COG7: variants seen among roughly 807,000 people sequenced by gnomAD.
COG7 encodes conserved oligomeric Golgi complex subunit 7.
In COG7, 49 loss-of-function variants were observed where a neutral mutation model predicts 91.5. The ratio of observed to expected loss-of-function variants is 0.54; its 90% CI spans 0.43 to 0.68. The LOEUF is 0.68. COG7 is among the 30% of genes least tolerant of loss of function. COG7 has a pLI of 0.00. For missense variants in COG7, 895 were observed against 961.3 expected (o/e 0.93, Z 0.91); for synonymous variants, 365 against 388.7 (o/e 0.94, Z 0.72).
intron 3 of COG7, among the ~76,000 whole-genome samples, chr16:23,443,196 T>C (rs758949435): frequency 6.6e-6 from 1 of 152,184 alleles, no homozygotes; most frequent in Non-Finnish European, 1.5e-5. Context: ...TAAATTTAAA[T>C]TTATACTGTC....
chr16:23,426,210 T>C (rs1011219586), intron 6 of COG7, among the ~76,000 whole-genome samples: 1 of 152,206 alleles, frequency 6.6e-6, no homozygotes. Context: ...AGCAAGACTC[T>C]GTCTCAAAAC....
rs569897423 is a variant in COG7, at chr16:23,433,195, C to T, written c.810+350G>A. On this transcript the variant is annotated intron_variant, in intron 6 of 16. Coordinates refer to ENST00000307149, the MANE Select transcript of COG7 (RefSeq NM_153603.4). ...ACCATAGTCACTGTGGCCTCAACCT[C>T]CTGGACGTAAGCAATCTTCCTGCCT... Among the ~76,000 whole-genome samples, 11 of 152,286 alleles carry T rather than the reference C, an allele frequency of 7.2e-5. No individual in the cohort carries two copies. In the South Asian group the frequency reaches 1.9e-3, roughly 26 times the overall value.
chr16:23,430,961 C>A (rs1025286001), intron 6 of COG7, among the ~76,000 whole-genome samples: 4 of 151,468 alleles, frequency 2.6e-5, no homozygotes, highest in Non-Finnish European at 5.9e-5. Flanking sequence ...CCCAGGAGTT[C>A]GACACCAGCC....
rs148049184 is a variant in COG7 at position 23,392,438 on chromosome 16, C to T, written c.2088G>A (p.Ala696=). ...ARATMQTYCD[A]ILQIPELSPH... ...GGCTCAGCTCAGGGATCTGTAGGAT[C>T]GCATCACAGTAGGTCTGCATTGTGG... The change falls in exon 16 of 17, where the codon GCG becomes GCA. Residue 696 remains alanine, a synonymous_variant. Coordinates refer to ENST00000307149, the MANE Select transcript of COG7 (RefSeq NM_153603.4). 2.5e-6 allele frequency: 4 copies of T among 1,614,180 alleles called. No individual in the cohort carries two copies. The highest frequency in any genetic ancestry group is 1.1e-5 in the South Asian group (1 of 91,086).
chr16:23,441,351 G>A (rs1444334848), intron 4 of COG7, among the ~76,000 whole-genome samples: 2 of 152,330 alleles, frequency 1.3e-5, no homozygotes, highest in East Asian at 3.9e-4. Flanking sequence ...GAGGTGGGCA[G>A]ATCACTTGAG....
At chr16:23,396,011 G>A (rs558209933) in intron 14 of COG7, among the ~76,000 whole-genome samples, 6 of 152,334 alleles carry the variant, frequency 3.9e-5, no homozygotes, top group African/African-American at 7.2e-5. Context: ...AGCAGCTGGC[G>A]TCCTAACAGA....
At chr16:23,409,133 T>G (rs1284312302) in intron 11 of COG7, among the ~76,000 whole-genome samples, 2 of 146,422 alleles carry the variant, frequency 1.4e-5, no homozygotes, top group African/African-American at 5.2e-5. Context: ...CAGGCACCTG[T>G]AAAGCTTATC....
At chr16:23,393,626 G>C (rs1216640118) in intron 14 of COG7, 1 of 448,852 alleles carries the variant, frequency 2.2e-6, no homozygotes, top group Admixed American at 3.7e-5. Flanking sequence ...TGAAGTAATG[G>C]ATATCAAAAT....
intron 13 of COG7, among the ~76,000 whole-genome samples, chr16:23,399,626 C>T (rs1252658211): frequency 6.6e-6 from 1 of 152,118 alleles, no homozygotes; most frequent in African/African-American, 2.4e-5. Flanking sequence ...ACTTCTAGAG[C>T]TCTCGGTGTC....
chr16:23,437,463 C>A (rs145937920), intron 4 of COG7, among the ~76,000 whole-genome samples: 4 of 152,230 alleles, frequency 2.6e-5, no homozygotes, highest in African/African-American at 9.6e-5. Flanking sequence ...TTCCAACCCC[C>A]CAGCTCCAGC....
At chr16:23,393,861 G>C (rs985847998) in intron 14 of COG7, among the ~76,000 whole-genome samples, 17 of 152,030 alleles carry the variant, frequency 1.1e-4, no homozygotes, top group Admixed American at 1.1e-3. Context: ...GGCCAACATG[G>C]TGAAGCCCTA....
At position 23,452,947 on chromosome 16, in the gene COG7, C is replaced by CCACT; in HGVS notation, c.44_47dup (p.Trp16Ter). 1 of 1,614,110 alleles carries CCACT rather than the reference C, an allele frequency of 6.2e-7. No individual in the cohort carries two copies. Among genetic ancestry groups the CCACT allele is most frequent in the Non-Finnish European group, 8.5e-7 (1 of 1,179,976 alleles). On this transcript the variant is annotated stop_gained and frameshift_variant, in exon 1 of 17. Transcript: ENST00000307149. LOFTEE classifies it high-confidence loss of function. The stretch of plus-strand genomic sequence containing the variant: ...AGCCGGCCCTGAAGGCCGCATTGAT[C>CCACT]CACTCCTTCACGTCGAAGTCGTCTG...
intron 3 of COG7, 145 bp downstream of exon 3, chr16:23,444,903 G>A (rs577913339): frequency 7.0e-5 from 53 of 757,470 alleles, no homozygotes; most frequent in African/African-American, 3.4e-4. Context: ...GAAACACACC[G>A]AGCAGCTTCA....
intron 10 of COG7, chr16:23,413,210 A>G (rs1172010150): frequency 2.2e-6 from 1 of 460,784 alleles, no homozygotes; most frequent in East Asian, 4.2e-5. Flanking sequence ...AAAGGAGATG[A>G]GGCATTTGTA....
At chr16:23,418,886 GA>G (rs1963702973) in intron 7 of COG7, 59 bp from the exon 8 acceptor site, 1 of 1,541,368 alleles carries the variant, frequency 6.5e-7, no homozygotes, top group South Asian at 1.1e-5. Context: ...TTAACTGTGG[GA>G]AAGCAACAAT....
chr16:23,402,842 T>A (rs1333065221), intron 13 of COG7, among the ~76,000 whole-genome samples: 4 of 152,322 alleles, frequency 2.6e-5, no homozygotes, highest in African/African-American at 9.6e-5. Flanking sequence ...TGACTCCCAG[T>A]GAGGGGGTGA....
rs1033721374 is a variant in COG7 at position 23,453,121 on chromosome 16, A to G, written c.-127T>C. On this transcript the variant is annotated 5_prime_UTR_variant, in exon 1 of 17. Coordinates refer to ENST00000307149, the MANE Select transcript of COG7 (RefSeq NM_153603.4). ...CTCCGAGGCGAACCCCAGAAACGCC[A>G]GGACGGGTAACTTGCCCCTTTGCGC... The G allele has an allele frequency of 8.7e-6, 13 of 1,502,356 alleles. No homozygotes were observed. The African/African-American group carries it at 1.5e-4, about 18-fold the overall frequency. The allele number at this position is 1,502,356 out of a possible 1,614,324, so 93.1% of individuals were successfully genotyped here.
At chr16:23,440,521 T>A (rs905680485) in intron 4 of COG7, among the ~76,000 whole-genome samples, 5 of 152,034 alleles carry the variant, frequency 3.3e-5, no homozygotes, top group Non-Finnish European at 7.4e-5. Flanking sequence ...TTTTTTTTTT[T>A]TTGAGACAAG....
chr16:23,406,290 C>T (rs1963460819), intron 11 of COG7, 28 bp from the exon 12 acceptor site: 2 of 1,591,260 alleles, frequency 1.3e-6, no homozygotes, highest in East Asian at 2.2e-5. Context: ...ACCATTATGC[C>T]CTGAGCTATT....
Sources: gnomAD v4.1 joint callset for allele counts (sites outside exome capture counted in the v4.1 genomes callset) on GRCh38, gnomAD v4.1.1 for gene constraint, MANE v1.5 for transcripts, NCBI Gene and HGNC (gene_info 2026-07-23, HGNC 2026-07-21) for gene names.